Variants in SLC14A2 observed in about 807,000 individuals in gnomAD.
The protein encoded by SLC14A2 is solute carrier family 14 member 2, also known as urea transporter 2.
SLC14A2 carries 91 observed loss-of-function variants against 104.6 expected under a neutral mutation model. That is an observed-to-expected ratio of 0.87 (90% CI 0.73 to 1.04). The LOEUF (loss-of-function observed/expected upper bound fraction) is 1.04. Among genes scored for constraint, SLC14A2 ranks in the 50% least tolerant of loss-of-function variants. The probability of loss-of-function intolerance (pLI) is 0.00; values close to 1 mark genes in which losing one functional copy is unlikely to be tolerated. For missense variants in SLC14A2, 1,189 were observed against 1,156.0 expected (o/e 1.03, Z -0.41); for synonymous variants, 476 against 466.4 (o/e 1.02, Z -0.27).
chr18:45,220,285 T>C (rs1422043068), intron 1 of SLC14A2, among the ~76,000 whole-genome samples: 1 of 152,208 alleles, frequency 6.6e-6, no homozygotes, highest in East Asian at 1.9e-4. Flanking sequence ...ACTGGGTTTA[T>C]CTTGCAGGAG....
chr18:45,243,926 A>T (rs1293287805), intron 1 of SLC14A2, among the ~76,000 whole-genome samples: 1 of 152,140 alleles, frequency 6.6e-6, no homozygotes, highest in African/African-American at 2.4e-5. Context: ...GCTATACCCA[A>T]TCTGATTGGC....
At chr18:45,430,069 T>C in intron 1 of SLC14A2, among the ~76,000 whole-genome samples, 1 of 152,230 alleles carries the variant, frequency 6.6e-6, no homozygotes, top group East Asian at 1.9e-4. Context: ...AACTCAGGTC[T>C]GGGGTGGGTC....
intron 2 of SLC14A2, among the ~76,000 whole-genome samples, chr18:45,556,225 A>G (rs1479653851): frequency 6.6e-6 from 1 of 152,206 alleles, no homozygotes; most frequent in Non-Finnish European, 1.5e-5. Flanking sequence ...TCCTAGTACC[A>G]TCACCTTGAA....
intron 1 of SLC14A2, among the ~76,000 whole-genome samples, chr18:45,316,133 A>G (rs2085127038): frequency 6.6e-6 from 1 of 152,154 alleles, no homozygotes; most frequent in Non-Finnish European, 1.5e-5. Context: ...CTGTTGAACC[A>G]AAGGAGAGCC....
intron 2 of SLC14A2, among the ~76,000 whole-genome samples, chr18:45,496,947 C>G (rs905574415): frequency 2.6e-5 from 4 of 152,192 alleles, no homozygotes; most frequent in Non-Finnish European, 5.9e-5. Context: ...CAGAGGCTCT[C>G]AGGCCTTTGG....
rs2046032997 is a variant in SLC14A2 at position 45,666,838 on chromosome 18, G to A, written c.1558-97G>A. On this transcript the variant is annotated intron_variant, in intron 12 of 19. Transcript: ENST00000255226. The stretch of plus-strand genomic sequence containing the variant: ...ACAGCAATTTAATGAAATACCAAAT[G>A]ACAATCTTATTTGGTCCCTGAGTGA... 14 of 997,600 alleles carry A rather than the reference G, an allele frequency of 1.4e-5. No individual in the cohort carries two copies. In the South Asian group the frequency reaches 1.7e-4, roughly 12 times the overall value. 61.8% of individuals were successfully genotyped at this position (997,600 alleles called of 1,614,324 possible). A position where few individuals can be genotyped will look rare whatever the true frequency, so the allele number is the denominator to read the frequency against.
At chr18:45,473,424 G>GTATT (rs1396337812) in intron 1 of SLC14A2, among the ~76,000 whole-genome samples, 1 of 152,228 alleles carries the variant, frequency 6.6e-6, no homozygotes, top group East Asian at 1.9e-4. Context: ...AAAGCCAATG[G>GTATT]TAGCTTGATG....
intron 1 of SLC14A2, among the ~76,000 whole-genome samples, chr18:45,305,190 T>C (rs2085006651): frequency 6.6e-6 from 1 of 152,222 alleles, no homozygotes; most frequent in South Asian, 2.1e-4. Context: ...GCAGAGAACC[T>C]GCTTGTTTGG....
intron 1 of SLC14A2, among the ~76,000 whole-genome samples, chr18:45,355,703 G>A (rs2085547140): frequency 6.6e-6 from 1 of 151,768 alleles, no homozygotes; most frequent in Non-Finnish European, 1.5e-5. Context: ...GGCTACATAA[G>A]GCTTACTGTT....
At chr18:45,608,546 T>A (rs2044910923) in intron 2 of SLC14A2, among the ~76,000 whole-genome samples, 1 of 152,214 alleles carries the variant, frequency 6.6e-6, no homozygotes, top group Admixed American at 6.5e-5. Flanking sequence ...TCACCCTCCT[T>A]TTAGAAAACA....
chr18:45,456,614 A>G (rs1475923489), intron 1 of SLC14A2, among the ~76,000 whole-genome samples: 2 of 152,206 alleles, frequency 1.3e-5, no homozygotes, highest in South Asian at 2.1e-4. Context: ...AGCCCAGTCC[A>G]TGTCTCCAGT....
At chr18:45,557,124 A>G (rs1465038579) in intron 2 of SLC14A2, among the ~76,000 whole-genome samples, 2 of 152,232 alleles carry the variant, frequency 1.3e-5, no homozygotes, top group Non-Finnish European at 2.9e-5. Context: ...TTTGGAAGCC[A>G]ATATCCTTTG....
Position 45,639,765 on chromosome 18 carries a change from T to C in SLC14A2, c.863T>C (p.Val288Ala), listed in dbSNP as rs1253929513. 7 of 1,613,940 alleles carry C rather than the reference T, an allele frequency of 4.3e-6. No individual in the cohort carries two copies. Among genetic ancestry groups the C allele is most frequent in the Non-Finnish European group, 5.9e-6 (7 of 1,179,974 alleles). Residue 288 changes from valine (V) to alanine (A), a missense_variant, in exon 7 of 20, where the codon GTT (valine) becomes GCT (alanine). Val to Ala is a moderately conservative substitution (Grantham distance 64, BLOSUM62 0). Transcript: ENST00000255226. ...TTGCAGCTGTTACAAGCCATCCCTG[T>C]TGGGGTCGGCCAGGTGTATGGCTGT... ...EMPLLLQAIP[V>A]GVGQVYGCDN...
upstream of SLC14A2, among the ~76,000 whole-genome samples, chr18:45,210,104 C>T (rs1199145348): frequency 1.3e-5 from 2 of 152,228 alleles, no homozygotes; most frequent in Admixed American, 6.5e-5. Context: ...CGCTCGAGCC[C>T]AGGGAAGGAT....
chr18:45,676,866 C>T (rs536710393), intron 18 of SLC14A2, among the ~76,000 whole-genome samples: 22 of 152,354 alleles, frequency 1.4e-4, no homozygotes, highest in South Asian at 4.1e-4. Context: ...GTCTGCCTGA[C>T]TGTAAAAGGC....
chr18:45,476,586 G>A (rs1216397979), intron 1 of SLC14A2, among the ~76,000 whole-genome samples: 1 of 152,172 alleles, frequency 6.6e-6, no homozygotes, highest in Non-Finnish European at 1.5e-5. Context: ...TTCCAACTTG[G>A]TTCCATTCTC....
At chr18:45,628,000 C>CAAAAAAAAAAA (rs58009345) in intron 4 of SLC14A2, among the ~76,000 whole-genome samples, 11 of 83,364 alleles carry the variant, frequency 1.3e-4, no homozygotes, top group East Asian at 3.5e-4. Context: ...AAGACTTTCT[C>CAAAAAAAAAAA]AAAAAAAAAA....
At chr18:45,476,389 C>A (rs960715373) in intron 1 of SLC14A2, among the ~76,000 whole-genome samples, 1 of 152,190 alleles carries the variant, frequency 6.6e-6, no homozygotes, top group Non-Finnish European at 1.5e-5. Flanking sequence ...GTAACCCGAC[C>A]TTTCTCTCTG....
intron 2 of SLC14A2, among the ~76,000 whole-genome samples, chr18:45,560,368 G>A (rs1033897699): frequency 1.3e-5 from 2 of 152,054 alleles, no homozygotes; most frequent in African/African-American, 4.8e-5. Context: ...TCTACCCCCA[G>A]AATCTCCTCT....
Sources: allele counts gnomAD v4.1 joint callset (sites outside exome capture counted in the v4.1 genomes callset), GRCh38; gene constraint gnomAD v4.1.1; transcripts MANE v1.5; gene names NCBI Gene and HGNC (gene_info 2026-07-23, HGNC 2026-07-21).